The following PDE1C variants were observed in gnomAD, a reference collection of about 807,000 sequenced individuals.
The protein encoded by PDE1C is dual specificity calcium/calmodulin-dependent 3',5'-cyclic nucleotide phosphodiesterase 1C.
PDE1C carries 62 observed loss-of-function variants against 93.1 expected under a neutral mutation model. That is an observed-to-expected ratio of 0.67 (90% CI 0.54 to 0.82). The LOEUF (loss-of-function observed/expected upper bound fraction) is 0.82, where lower values mean the gene tolerates loss of function less well. Among genes scored for constraint, PDE1C ranks in the 40% least tolerant of loss-of-function variants. The pLI, the probability that PDE1C is intolerant of heterozygous loss-of-function variation, is 0.00. For synonymous variants in PDE1C, 325 were observed against 310.1 expected, an observed-to-expected ratio of 1.05 and a Z score of -0.50; for missense variants, 742 against 884.6, an observed-to-expected ratio of 0.84 and a Z score of 2.04.
At chr7:32,217,537 T>A (rs60074466) in intron 1 of PDE1C, among the ~76,000 whole-genome samples, 5,164 of 152,294 alleles carry the variant, frequency 0.034, 313 homozygotes, top group African/African-American at 0.12. Context: ...TATAAATGCA[T>A]ATCTCTGGCG....
chr7:31,673,415 T>C, the PDE1C span, among the ~76,000 whole-genome samples: 1 of 152,170 alleles, frequency 6.6e-6, no homozygotes. Context: ...TTCAGTCTCT[T>C]AGAAGGGGAA....
chr7:32,152,142 T>C (rs992056071), intron 3 of PDE1C, among the ~76,000 whole-genome samples: 1 of 152,206 alleles, frequency 6.6e-6, no homozygotes, highest in African/African-American at 2.4e-5. Flanking sequence ...GAGTAGGGCA[T>C]GACTCCATTC....
At chr7:32,087,541 C>T (rs1422560296) in intron 3 of PDE1C, among the ~76,000 whole-genome samples, 1 of 152,122 alleles carries the variant, frequency 6.6e-6, no homozygotes, top group Non-Finnish European at 1.5e-5. Context: ...GCTATAAAGA[C>T]ACATGCACAC....
intron 3 of PDE1C, among the ~76,000 whole-genome samples, chr7:32,095,460 T>C (rs2128747194): frequency 6.6e-6 from 1 of 152,312 alleles, no homozygotes; most frequent in East Asian, 1.9e-4. Flanking sequence ...GCAGCCTTCC[T>C]TGCTAAAACT....
intron 2 of PDE1C, among the ~76,000 whole-genome samples, chr7:32,192,674 C>T (rs2108857): frequency 0.99 from 150,589 of 152,250 alleles, 74,486 homozygotes; most frequent in Middle Eastern, 1. Context: ...CTACTTCCTA[C>T]GATTTTCTGT....
intron 6 of PDE1C, among the ~76,000 whole-genome samples, chr7:31,872,181 T>A (rs886698769): frequency 3.3e-5 from 5 of 152,136 alleles, no homozygotes; most frequent in Non-Finnish European, 7.4e-5. Context: ...TTTGATCTTA[T>A]GCAGTCAGAG....
At chr7:32,053,169 C>T (rs1191842573) in intron 1 of PDE1C, among the ~76,000 whole-genome samples, 1 of 152,156 alleles carries the variant, frequency 6.6e-6, no homozygotes, top group Non-Finnish European at 1.5e-5. Context: ...CCCCCTGAAC[C>T]TCAGTTTCTT....
chr7:31,869,150 A>C (rs1008694137), intron 6 of PDE1C, among the ~76,000 whole-genome samples: 16 of 152,238 alleles, frequency 1.1e-4, no homozygotes, highest in African/African-American at 3.8e-4. Context: ...GAAAAGACCC[A>C]AATGTTACCA....
chr7:31,729,211 A>G, the PDE1C span, among the ~76,000 whole-genome samples: 1 of 152,224 alleles, frequency 6.6e-6, no homozygotes, highest in African/African-American at 2.4e-5. Flanking sequence ...TTTCAGTAAA[A>G]GTTTTGTTTC....
At chr7:31,866,947 A>G (rs897893022) in intron 6 of PDE1C, among the ~76,000 whole-genome samples, 1 of 152,184 alleles carries the variant, frequency 6.6e-6, no homozygotes, top group Non-Finnish European at 1.5e-5. Flanking sequence ...TGCTCCATAC[A>G]GGGAGCTCAT....
At chr7:32,348,871 G>A (rs1051581421) in intron 1 of PDE1C, among the ~76,000 whole-genome samples, 33 of 149,886 alleles carry the variant, frequency 2.2e-4, no homozygotes, top group African/African-American at 8.0e-4. Flanking sequence ...ACCCACATTG[G>A]CCAACTCTGA....
At chr7:31,658,124 T>C in the PDE1C span, 2 of 504,204 alleles carry the variant, frequency 4.0e-6, no homozygotes, top group African/African-American at 1.9e-5. Context: ...GACACAAAGA[T>C]GAAACCTTGA....
At chr7:32,389,950 C>A (rs1158579848) in intron 1 of PDE1C, among the ~76,000 whole-genome samples, 5 of 152,168 alleles carry the variant, frequency 3.3e-5, no homozygotes, top group Non-Finnish European at 5.9e-5. Flanking sequence ...ATCCTCATGT[C>A]TTCTCTCTCT....
At chr7:31,696,994 T>TA in the PDE1C span, 1 of 1,614,132 alleles carries the variant, frequency 6.2e-7, no homozygotes, top group Non-Finnish European at 8.5e-7. Flanking sequence ...AATTAAAAGA[T>TA]ACGATGTTCA....
In PDE1C at chr7:31,960,931, G is replaced by T. The variant is rs76210145; in HGVS notation, c.129-80071C>A. On this transcript the variant is annotated intron_variant, in intron 2 of 17. Transcript: ENST00000396191. ...GTTTCTACTCTCCTGAGTGCCTCCT[G>T]TTCATGCATTTCCCAGCAGCAAGAT... Among the ~76,000 whole-genome samples the T allele has an allele frequency of 9.0e-3, 1,376 of 152,156 alleles. 27 individuals carry two copies. Among genetic ancestry groups the T allele is most frequent in the African/African-American group, 0.032 (1,319 of 41,500 alleles).
the PDE1C span, chr7:31,655,890 T>G: frequency 1.0e-6 from 1 of 985,530 alleles, no homozygotes; most frequent in Non-Finnish European, 1.2e-6. Flanking sequence ...CACCTGGCTC[T>G]AGGATGTCCC....
At chr7:32,267,561 T>G (rs78492696) in intron 1 of PDE1C, among the ~76,000 whole-genome samples, 4 of 131,894 alleles carry the variant, frequency 3.0e-5, no homozygotes, top group African/African-American at 1.2e-4. Flanking sequence ...TGCAGCCTCT[T>G]TCTCTCTCTC....
intron 16 of PDE1C, among the ~76,000 whole-genome samples, chr7:31,806,872 G>T (rs1224419111): frequency 6.6e-6 from 1 of 151,828 alleles, no homozygotes; most frequent in Non-Finnish European, 1.5e-5. Flanking sequence ...AAAAAGAAAT[G>T]TTCAAAAATG....
intron 3 of PDE1C, among the ~76,000 whole-genome samples, chr7:32,091,118 T>G (rs1343932650): frequency 1.3e-5 from 2 of 152,242 alleles, no homozygotes; most frequent in Non-Finnish European, 2.9e-5. Flanking sequence ...ATGCCTTTCA[T>G]AGCAGTAGTG....
Sources: allele counts gnomAD v4.1 joint callset (sites outside exome capture counted in the v4.1 genomes callset), GRCh38; gene constraint gnomAD v4.1.1; transcripts MANE v1.5; gene names NCBI Gene and HGNC (gene_info 2026-07-23, HGNC 2026-07-21).